SCEL: variants seen among roughly 807,000 people sequenced by gnomAD.
The protein encoded by SCEL is sciellin.
A neutral mutation model predicts 117.6 loss-of-function variants in SCEL; 113 were observed. That is an observed-to-expected ratio of 0.96 (90% confidence interval 0.83 to 1.12). The LOEUF (loss-of-function observed/expected upper bound fraction) is 1.12, where lower values mean the gene tolerates loss of function less well. Among genes scored for constraint, SCEL ranks in the 50% most tolerant of loss-of-function variants. The pLI, the probability that SCEL is intolerant of heterozygous loss-of-function variation, is 0.00. For missense variants in SCEL, 785 were observed against 810.8 expected, an observed-to-expected ratio of 0.97 and a Z score of 0.39; for synonymous variants, 270 against 256.2, an observed-to-expected ratio of 1.05 and a Z score of -0.51.
At chr13:77,603,656 C>G (rs1051001679) in intron 18 of SCEL, among the ~76,000 whole-genome samples, 1 of 152,134 alleles carries the variant, frequency 6.6e-6, no homozygotes, top group Non-Finnish European at 1.5e-5. Flanking sequence ...CCCCTCCTGT[C>G]CCTTTTAGAT....
intron 8 of SCEL, among the ~76,000 whole-genome samples, chr13:77,571,238 C>T (rs920071361): frequency 6.7e-6 from 1 of 148,790 alleles, no homozygotes. Flanking sequence ...GTCAGGAGAT[C>T]GAGACCATCC....
At chr13:77,546,189 A>G (rs1593874385) in intron 1 of SCEL, among the ~76,000 whole-genome samples, 2 of 152,190 alleles carry the variant, frequency 1.3e-5, no homozygotes, top group Non-Finnish European at 2.9e-5. Flanking sequence ...TGGGGCAGCC[A>G]TTCATTCCTG....
At chr13:77,602,171 C>T (rs1380507808) in intron 16 of SCEL, 47 bp downstream of exon 16, 4 of 1,485,370 alleles carry the variant, frequency 2.7e-6, no homozygotes, top group Non-Finnish European at 3.7e-6. Context: ...TTCAGGTTAG[C>T]TTTTTTACCT....
At chr13:77,623,598 GA>G (rs1463427306) in intron 27 of SCEL, 1 of 152,162 alleles carries the variant, frequency 6.6e-6, no homozygotes, top group South Asian at 2.1e-4. Context: ...TACCACTTTG[GA>G]AATGTGTTTC....
chr13:77,604,524 C>T (rs1177454677), intron 19 of SCEL, 109 bp downstream of exon 19: 3 of 802,102 alleles, frequency 3.7e-6, no homozygotes, highest in Non-Finnish European at 5.7e-6. Context: ...CCAAAACAAA[C>T]TGAGCTCTTT....
In SCEL at chr13:77,603,063, T is replaced by G; in HGVS notation, c.1038-13T>G. On this transcript the variant is annotated splice_polypyrimidine_tract_variant and intron_variant, in intron 17 of 32. Transcript: ENST00000349847. ...GAATGTTTTGAAACTGATATAAACT[T>G]TTTTTTTTAAAGAAGTGAAGACCTT... 2 of 1,480,636 alleles carry G rather than the reference T, an allele frequency of 1.4e-6. No homozygotes were observed. The highest frequency in any genetic ancestry group is 1.8e-6 in the Non-Finnish European group (2 of 1,095,904). 91.7% of individuals were successfully genotyped at this position (1,480,636 alleles called of 1,614,324 possible).
rs1283340998 is a variant in SCEL at position 77,556,759 on chromosome 13, G to A, written c.161+46G>A. The A allele has an allele frequency of 4.7e-6, 6 of 1,281,248 alleles. No homozygotes were observed. The East Asian group carries it at 1.4e-4, about 30-fold the overall frequency. 79.4% of individuals were successfully genotyped at this position (1,281,248 alleles called of 1,614,324 possible). A position where few individuals can be genotyped will look rare whatever the true frequency, so the allele number is the denominator to read the frequency against. On this transcript the variant is annotated intron_variant, in intron 3 of 32. Transcript: ENST00000349847. ...GTGGGTGGACAGAAGGGCAGAGAGAGGCATTATCTGTTTGGGAAGCTAATG... is the reference window on the plus strand; with the variant it reads ...GTGGGTGGACAGAAGGGCAGAGAGAAGCATTATCTGTTTGGGAAGCTAATG...
At chr13:77,634,296 T>A in intron 28 of SCEL, 83 bp from the exon 29 acceptor site, 1 of 1,067,504 alleles carries the variant, frequency 9.4e-7, no homozygotes, top group South Asian at 1.3e-5. Context: ...TCATTACATT[T>A]TGCATTGAAT....
chr13:77,576,090 C>A (rs2085925612), intron 9 of SCEL, among the ~76,000 whole-genome samples: 1 of 152,122 alleles, frequency 6.6e-6, no homozygotes, highest in South Asian at 2.1e-4. Context: ...TCAGCTGACA[C>A]CCTTCCTCTC....
At chr13:77,639,993 TTATTTTAACAAA>T (rs2090484459) in intron 30 of SCEL, among the ~76,000 whole-genome samples, 1 of 152,226 alleles carries the variant, frequency 6.6e-6, no homozygotes, top group East Asian at 1.9e-4. Flanking sequence ...TCATTGAACA[TTATTTTAACAAA>T]TATTTAGTAT....
chr13:77,575,557 C>T (rs1171902300), intron 9 of SCEL, among the ~76,000 whole-genome samples: 1 of 152,188 alleles, frequency 6.6e-6, no homozygotes, highest in Non-Finnish European at 1.5e-5. Flanking sequence ...TAAGAGAGTT[C>T]AGACCTGGGT....
chr13:77,611,439 A>G (rs1338292462), intron 22 of SCEL, among the ~76,000 whole-genome samples: 3 of 152,180 alleles, frequency 2.0e-5, no homozygotes, highest in Non-Finnish European at 4.4e-5. Context: ...TATTAATACA[A>G]CTTTATTTTT....
chr13:77,555,592 A>G (rs2154395698), intron 1 of SCEL, among the ~76,000 whole-genome samples: 1 of 152,332 alleles, frequency 6.6e-6, no homozygotes, highest in East Asian at 1.9e-4. Flanking sequence ...AAATGAATTC[A>G]CTGATGGCCT....
intron 1 of SCEL, among the ~76,000 whole-genome samples, chr13:77,547,728 GA>G (rs999350428): frequency 3.3e-5 from 5 of 152,192 alleles, no homozygotes; most frequent in African/African-American, 1.2e-4. Context: ...CATAGGGTCT[GA>G]TATTTTCATG....
chr13:77,595,295 A>T (rs1458584775), intron 12 of SCEL, among the ~76,000 whole-genome samples: 2 of 152,122 alleles, frequency 1.3e-5, no homozygotes, highest in Non-Finnish European at 2.9e-5. Flanking sequence ...GTTTCTTTGG[A>T]CCATCCACAG....
At chr13:77,546,844 G>A (rs187046481) in intron 1 of SCEL, among the ~76,000 whole-genome samples, 6 of 152,198 alleles carry the variant, frequency 3.9e-5, no homozygotes, top group East Asian at 1.9e-4. Context: ...GCTATTTTTC[G>A]TGTGTGAATT....
At chr13:77,575,552 G>A (rs2085893815) in intron 9 of SCEL, among the ~76,000 whole-genome samples, 1 of 152,180 alleles carries the variant, frequency 6.6e-6, no homozygotes, top group African/African-American at 2.4e-5. Flanking sequence ...TGCAATAAGA[G>A]AGTTCAGACC....
At chr13:77,633,425 A>G (rs1396612476) in intron 28 of SCEL, among the ~76,000 whole-genome samples, 1 of 115,884 alleles carries the variant, frequency 8.6e-6, no homozygotes, top group Non-Finnish European at 1.8e-5. Context: ...CCTGGGCGAC[A>G]GAGCGAGACT....
Position 77,612,893 on chromosome 13 carries a change from AC to A in SCEL, c.1342del (p.Gln448LysfsTer9). ...ATTGAAACTTAACATTTTTTTAGGA[AC>A]CAAGACTTGGAAAATCTTATCAAAG... The part of the protein sequence containing the change: ...TPERNRTNQG[N>X]QDLENLIKVI... On this transcript the variant is annotated frameshift_variant, in exon 23 of 33. Coordinates refer to ENST00000349847, the MANE Select transcript of SCEL (RefSeq NM_144777.3). LOFTEE classifies it high-confidence loss of function. 1 of 1,550,820 alleles carries A rather than the reference AC, an allele frequency of 6.4e-7. No homozygotes were observed. Among genetic ancestry groups the A allele is most frequent in the Non-Finnish European group, 8.7e-7 (1 of 1,145,902 alleles).
Sources: allele counts gnomAD v4.1 joint callset (sites outside exome capture counted in the v4.1 genomes callset), GRCh38; gene constraint gnomAD v4.1.1; transcripts MANE v1.5; gene names NCBI Gene and HGNC (gene_info 2026-07-23, HGNC 2026-07-21).